The following CCT5 variants were observed in gnomAD, a reference collection of about 807,000 sequenced individuals.
CCT5 encodes T-complex protein 1 subunit epsilon.
CCT5 carries 6 observed loss-of-function variants against 55.0 expected under a neutral mutation model. The ratio of observed to expected loss-of-function variants is 0.11; its 90% confidence interval spans 0.06 to 0.22. CCT5 has a LOEUF of 0.22. CCT5 is among the 10% of genes least tolerant of loss of function. The pLI, the probability that CCT5 is intolerant of heterozygous loss-of-function variation, is 1.00. For synonymous variants in CCT5, 231 were observed against 243.7 expected, an observed-to-expected ratio of 0.95 and a Z score of 0.49; for missense variants, 560 against 694.6, an observed-to-expected ratio of 0.81 and a Z score of 2.18.
At chr5:10,262,080 A>G in intron 8 of CCT5, 1 of 396,664 alleles carries the variant, frequency 2.5e-6, no homozygotes, top group Non-Finnish European at 4.7e-6. Context: ...TGCTAGCCCT[A>G]GCAACATAAG....
intron 6 of CCT5, among the ~76,000 whole-genome samples, chr5:10,259,830 G>A (rs1249585847): frequency 6.6e-6 from 1 of 152,230 alleles, no homozygotes. Flanking sequence ...GATGTTACTG[G>A]ATCGTGCTGG....
rs376551309 is a variant in CCT5 at position 10,255,933 on chromosome 5, TTGTC to T, written c.332-19_332-16del. ...AAGTTTTGTTGTTTGCCTGAACTGA[TTGTC>T]TGCTGGCTTATTTGCAGTCCTGGCT... On this transcript the variant is annotated intron_variant, in intron 3 of 10. Transcript: ENST00000280326. 4.2e-4 allele frequency: 684 copies of T among 1,611,298 alleles called. 8 individuals carry two copies. The East Asian group carries it at 0.012, about 28-fold the overall frequency.
Position 10,263,259 on chromosome 5 carries a change from G to C in CCT5, c.1443G>C (p.Gln481His), listed in dbSNP as rs766425367. The change falls in exon 10 of 11, where the codon CAG becomes CAC. Residue 481 changes from glutamine to histidine, a missense_variant. By Grantham distance (24) the Gln-to-His change is conservative. Transcript: ENST00000280326. Reference protein sequence around the residue: ...IQTMTEVRARQVKEMNPALGI... With the variant: ...IQTMTEVRARHVKEMNPALGI... Reference sequence around the variant, plus strand: ...CTATGACCGAAGTCCGAGCCAGACAGGTGAAGGAGATGAACCCTGCTCTTG... The same window carrying C: ...CTATGACCGAAGTCCGAGCCAGACACGTGAAGGAGATGAACCCTGCTCTTG... The C allele has an allele frequency of 1.1e-5, 17 of 1,614,042 alleles. No individual in the cohort carries two copies. In the East Asian group the frequency reaches 3.8e-4, roughly 36 times the overall value.
Position 10,255,986 on chromosome 5 carries a change from G to T in CCT5, c.363G>T (p.Glu121Asp). Residue 121 changes from glutamate (E) to aspartate (D), a missense_variant, in exon 4 of 11, where the codon GAG (glutamate) becomes GAT (aspartate). By Grantham distance (45) the Glu-to-Asp change is conservative. Coordinates refer to ENST00000280326, the MANE Select transcript of CCT5 (RefSeq NM_012073.5). Reference protein sequence around the residue: ...VLAGALLEEAEQLLDRGIHPI... With the variant: ...VLAGALLEEADQLLDRGIHPI... ...CTGGTGCCTTGTTAGAAGAAGCGGA[G>T]CAATTGCTAGACCGAGGCATTCACC... 1 of 1,614,222 alleles carries T rather than the reference G, an allele frequency of 6.2e-7. No homozygotes were observed.
In CCT5 at chr5:10,260,886, G is replaced by T; in HGVS notation, c.968G>T (p.Arg323Leu). Reference protein sequence around the residue: ...LLLQNNLPAVRWVGGPEIELI... With the variant: ...LLLQNNLPAVLWVGGPEIELI... Reference sequence around the variant, plus strand: ...CTTCAGAACAACTTGCCTGCGGTTCGCTGGGTAGGAGGACCTGAAATTGAG... The same window carrying T: ...CTTCAGAACAACTTGCCTGCGGTTCTCTGGGTAGGAGGACCTGAAATTGAG... The change falls in exon 7 of 11, where the codon CGC becomes CTC. Residue 323 changes from arginine (R) to leucine (L), a missense_variant. Physicochemically the swap from Arg to Leu is moderately radical, Grantham distance 102. Coordinates refer to ENST00000280326, the MANE Select transcript of CCT5 (RefSeq NM_012073.5). 6.2e-7 allele frequency: 1 copy of T among 1,614,058 alleles called. No individual in the cohort carries two copies. The highest frequency in any genetic ancestry group is 8.5e-7 in the Non-Finnish European group (1 of 1,179,950).
chr5:10,262,990 A>G (rs961991844), intron 9 of CCT5, 144 bp from the exon 10 acceptor site: 2 of 738,096 alleles, frequency 2.7e-6, no homozygotes, highest in Non-Finnish European at 4.8e-6. Context: ...TAATATTCTG[A>G]TAGATACAAA....
intron 2 of CCT5, 148 bp from the exon 3 acceptor site, chr5:10,254,526 C>A: frequency 1.4e-6 from 1 of 727,836 alleles, no homozygotes. Flanking sequence ...TCTAAAAATG[C>A]CTTCATGCAG....
Position 10,262,574 on chromosome 5 carries a change from G to A in CCT5, c.1273G>A (p.Ala425Thr). Reference protein sequence around the residue: ...DNRVVYGGGAAEISCALAVSQ... With the variant: ...DNRVVYGGGATEISCALAVSQ... The stretch of plus-strand genomic sequence containing the variant: ...TCGTGTGGTGTATGGAGGAGGGGCT[G>A]CTGAGATATCCTGTGCCCTGGCAGT... Residue 425 changes from alanine to threonine, a missense_variant, in exon 9 of 11, where the codon GCT (alanine) becomes ACT (threonine). Ala to Thr is a moderately conservative substitution (Grantham distance 58). This residue lies in a region of CCT5 where 256 missense variants were observed against 372.4 expected (regional missense o/e 0.69). Coordinates refer to ENST00000280326, the MANE Select transcript of CCT5 (RefSeq NM_012073.5). 1 of 1,614,264 alleles carries A rather than the reference G, an allele frequency of 6.2e-7. No homozygotes were observed. The highest frequency in any genetic ancestry group is 8.5e-7 in the Non-Finnish European group (1 of 1,180,040).
chr5:10,258,473 G>C lies in CCT5; in HGVS notation c.811G>C (p.Val271Leu). 1 of 1,614,126 alleles carries C rather than the reference G, an allele frequency of 6.2e-7. No individual in the cohort carries two copies. Among genetic ancestry groups the C allele is most frequent in the Non-Finnish European group, 8.5e-7 (1 of 1,179,984 alleles). ...KTKHKLDVTS[V>L]EDYKALQKYE... ...AAAGCATAAGCTGGATGTGACCTCTGTCGAAGATTATAAAGCCCTTCAGAA... is the reference window on the plus strand; with the variant it reads ...AAAGCATAAGCTGGATGTGACCTCTCTCGAAGATTATAAAGCCCTTCAGAA... The change falls in exon 6 of 11, where the codon GTC (valine) becomes CTC (leucine). Residue 271 changes from valine to leucine, a missense_variant. Physicochemically the swap from Val to Leu is conservative, Grantham distance 32. Around this residue, in one of 4 missense-constraint regions of CCT5, gnomAD observed 256 missense variants for 372.4 expected, o/e 0.69. Transcript: ENST00000280326.
intron 4 of CCT5, among the ~76,000 whole-genome samples, chr5:10,256,881 T>C (rs1257778311): frequency 6.6e-6 from 1 of 152,202 alleles, no homozygotes; most frequent in Admixed American, 6.5e-5. Flanking sequence ...GTTTTCAGCG[T>C]TCGTGTAATG....
chr5:10,254,770 C>T lies in CCT5; in HGVS notation c.263C>T (p.Ala88Val). ...ATGATGGATGTTGATCATCAGATTG[C>T]CAAGCTGATGGTGGAACTGTCCAAG... ...LSMMDVDHQI[A>V]KLMVELSKSQ... Residue 88 changes from alanine (A) to valine (V), a missense_variant, in exon 3 of 11, where the codon GCC becomes GTC. Ala to Val is a moderately conservative substitution (Grantham distance 64, BLOSUM62 0). Coordinates refer to ENST00000280326, the MANE Select transcript of CCT5 (RefSeq NM_012073.5). 6.2e-7 allele frequency: 1 copy of T among 1,612,770 alleles called. No individual in the cohort carries two copies. The highest frequency in any genetic ancestry group is 8.5e-7 in the Non-Finnish European group (1 of 1,178,804).
Position 10,250,327 on chromosome 5 carries a change from C to T in CCT5, c.-14C>T. 2 of 1,613,968 alleles carry T rather than the reference C, an allele frequency of 1.2e-6. No homozygotes were observed. Among genetic ancestry groups the T allele is most frequent in the Non-Finnish European group, 8.5e-7 (1 of 1,180,024 alleles). On this transcript the variant is annotated 5_prime_UTR_variant, in exon 1 of 11. Coordinates refer to ENST00000280326, the MANE Select transcript of CCT5 (RefSeq NM_012073.5). Reference sequence around the variant, plus strand: ...CTCCGCCGGTTGGGGGGAAGTAATTCCGGTTGTTGCACCATGGCGTCCATG... The same window carrying T: ...CTCCGCCGGTTGGGGGGAAGTAATTTCGGTTGTTGCACCATGGCGTCCATG...
chr5:10,263,087 T>C, intron 9 of CCT5, 47 bp from the exon 10 acceptor site: 1 of 1,530,638 alleles, frequency 6.5e-7, no homozygotes, highest in South Asian at 1.1e-5. Flanking sequence ...GCCGCTGGGT[T>C]GTTTTGTTTC....
chr5:10,265,056 GTAAT>G lies in CCT5; in HGVS notation c.*277_*280del, dbSNP rs1746154133. On this transcript the variant is annotated 3_prime_UTR_variant, in exon 11 of 11. Transcript: ENST00000280326. ...GGTTTAAGAAACGTTTATTGTAACA[GTAAT>G]TAAATGCTGCCTTAATTGAAGGGGT... is the stretch of plus-strand genomic sequence containing the variant. 4 of 381,182 alleles carry G rather than the reference GTAAT, an allele frequency of 1.0e-5. No individual in the cohort carries two copies. The South Asian group carries it at 1.1e-4, about 10-fold the overall frequency. 23.6% of individuals were successfully genotyped at this position (381,182 alleles called of 1,614,324 possible). A position where few individuals can be genotyped will look rare whatever the true frequency, so the allele number is the denominator to read the frequency against.
intron 1 of CCT5, 75 bp from the exon 2 acceptor site, chr5:10,254,070 G>C: frequency 1.1e-6 from 1 of 948,084 alleles, no homozygotes. Flanking sequence ...AGTGATTTTT[G>C]TAGTCATCAG....
In CCT5 at chr5:10,265,308, G is replaced by T. The variant is rs1746170337; in HGVS notation, c.*525G>T. The stretch of plus-strand genomic sequence containing the variant: ...AGCCTAACCTGGCGTGTTGTTTAGG[G>T]CTGATGGAGACCCATGTGAGCCTTT... On this transcript the variant is annotated 3_prime_UTR_variant, in exon 11 of 11. Coordinates refer to ENST00000280326, the MANE Select transcript of CCT5 (RefSeq NM_012073.5). 6.0e-6 allele frequency: 1 copy of T among 167,194 alleles called. No individual in the cohort carries two copies. Among genetic ancestry groups the T allele is most frequent in the South Asian group, 1.5e-4 (1 of 6,556 alleles). The allele number at this position is 167,194 out of a possible 1,614,324, so 10.4% of individuals were successfully genotyped here.
At chr5:10,256,901 C>T (rs1745711712) in intron 4 of CCT5, among the ~76,000 whole-genome samples, 1 of 152,140 alleles carries the variant, frequency 6.6e-6, no homozygotes, top group Non-Finnish European at 1.5e-5. Context: ...GTCCGTTTGC[C>T]AGGCTTACTG....
rs542783054 is a variant in CCT5, at chr5:10,258,163, A to G, written c.583A>G (p.Thr195Ala). 6.2e-7 allele frequency: 1 copy of G among 1,614,216 alleles called. No individual in the cohort carries two copies. Among genetic ancestry groups the G allele is most frequent in the Admixed American group, 1.7e-5 (1 of 60,032 alleles). ...MAEIAVNAVL[T>A]VADMERRDVD... ...TGAGATTGCTGTGAATGCCGTCCTCACTGTAGCAGATATGGAGCGGAGAGA... is the reference window on the plus strand; with the variant it reads ...TGAGATTGCTGTGAATGCCGTCCTCGCTGTAGCAGATATGGAGCGGAGAGA... The change falls in exon 5 of 11, where the codon ACT becomes GCT. Residue 195 changes from threonine to alanine, a missense_variant. By Grantham distance (58) the Thr-to-Ala change is moderately conservative (BLOSUM62 0). Transcript: ENST00000280326.
chr5:10,254,112 A>G, intron 1 of CCT5, 33 bp from the exon 2 acceptor site: 2 of 1,442,550 alleles, frequency 1.4e-6, no homozygotes, highest in South Asian at 1.1e-5. Context: ...AATTATATGT[A>G]ACAGTGTTTG....
Sources: allele counts gnomAD v4.1 joint callset (sites outside exome capture counted in the v4.1 genomes callset), GRCh38; gene constraint gnomAD v4.1.1; regional missense constraint gnomAD v4.1.1; transcripts MANE v1.5; gene names NCBI Gene and HGNC (gene_info 2026-07-23, HGNC 2026-07-21).